The following LPIN2 variants were observed in gnomAD, a reference collection of about 807,000 sequenced individuals.
The protein encoded by LPIN2 is phosphatidate phosphatase LPIN2.
In LPIN2, 55 loss-of-function variants were observed where a neutral mutation model predicts 111.4. The ratio of observed to expected loss-of-function variants is 0.49; its 90% confidence interval spans 0.40 to 0.62. The LOEUF is 0.62. Ranked by LOEUF, LPIN2 falls within the 20% of genes least tolerant of loss-of-function variation. LPIN2 has a pLI of 0.00. For missense variants in LPIN2, 992 were observed against 1,112.1 expected, an observed-to-expected ratio of 0.89 and a Z score of 1.54; for synonymous variants, 425 against 414.0, an observed-to-expected ratio of 1.03 and a Z score of -0.32.
chr18:3,011,911 T>C (rs575203468), intron 1 of LPIN2: 2 of 152,452 alleles, frequency 1.3e-5, no homozygotes, highest in South Asian at 4.1e-4. Context: ...GCTCTGCCGC[T>C]TCTCCCCCGC....
intron 1 of LPIN2, among the ~76,000 whole-genome samples, chr18:2,964,975 G>A (rs116945454): frequency 0.013 from 2,048 of 152,192 alleles, 19 homozygotes; most frequent in Non-Finnish European, 0.022. Flanking sequence ...CTTTAAAAAC[G>A]ATATTTAAAG....
At chr18:2,920,961 G>C in intron 18 of LPIN2, 80 bp from the exon 19 acceptor site, 1 of 934,844 alleles carries the variant, frequency 1.1e-6, no homozygotes, top group Non-Finnish European at 1.8e-6. Context: ...TGAGCCAGAA[G>C]CACTGCACAG....
chr18:2,945,537 ATCTCCCACTCAATCTGCTG>A, intron 4 of LPIN2: 1 of 1,276,152 alleles, frequency 7.8e-7, no homozygotes, highest in Non-Finnish European at 1.1e-6. Context: ...CCTTCCTCCC[ATCTCCCACTCAATCTGCTG>A]TGTCGTCTTT....
chr18:2,974,360 T>C (rs889836088), intron 1 of LPIN2, among the ~76,000 whole-genome samples: 1 of 152,202 alleles, frequency 6.6e-6, no homozygotes, highest in Non-Finnish European at 1.5e-5. Context: ...TTAACAGGCG[T>C]GAGCCACCGC....
chr18:2,921,170 G>C (rs759030474), intron 18 of LPIN2: 1 of 555,736 alleles, frequency 1.8e-6, no homozygotes, highest in Non-Finnish European at 3.2e-6. Context: ...TGGCCCTGCA[G>C]AAGGGAGGCA....
intron 2 of LPIN2, among the ~76,000 whole-genome samples, chr18:2,956,957 T>C (rs2077624425): frequency 2.6e-5 from 4 of 152,240 alleles, no homozygotes. Context: ...TAAAAATATT[T>C]TGAGAGAACA....
chr18:2,917,947 AAC>A lies in LPIN2; in HGVS notation c.*2344_*2345del, dbSNP rs1221149425. 6.6e-6 allele frequency: 1 copy of A among 152,200 alleles called. No homozygotes were observed. The highest frequency in any genetic ancestry group is 2.4e-5 in the African/African-American group (1 of 41,462). 9.4% of individuals were successfully genotyped at this position (152,200 alleles called of 1,614,324 possible). A position where few individuals can be genotyped will look rare whatever the true frequency, so the allele number is the denominator to read the frequency against. On this transcript the variant is annotated 3_prime_UTR_variant, in exon 20 of 20. Coordinates refer to ENST00000677752, the MANE Select transcript of LPIN2 (RefSeq NM_001375808.2). ...TCACCATCCTAAGGGTTTGTGTACA[AAC>A]ACACTCGAGGGCATCTCTTTCACAG...
intron 1 of LPIN2, among the ~76,000 whole-genome samples, chr18:3,008,024 C>T (rs1249571778): frequency 1.3e-5 from 2 of 152,228 alleles, no homozygotes; most frequent in African/African-American, 4.8e-5. Context: ...TACAATTCTA[C>T]TGTTTAGTCA....
intron 1 of LPIN2, chr18:2,985,396 TGAC>T (rs1175307577): frequency 3.3e-5 from 5 of 152,148 alleles, no homozygotes; most frequent in Non-Finnish European, 5.9e-5. Flanking sequence ...TAAAAATAAA[TGAC>T]TACTGAAAAA....
At chr18:2,974,575 T>C (rs1380901540) in intron 1 of LPIN2, among the ~76,000 whole-genome samples, 1 of 152,264 alleles carries the variant, frequency 6.6e-6, no homozygotes, top group Non-Finnish European at 1.5e-5. Flanking sequence ...TTTTTAAACA[T>C]TGTATATCCT....
In LPIN2 at chr18:2,931,295, G is replaced by A; in HGVS notation, c.1417C>T (p.Leu473Phe). 2 of 1,614,206 alleles carry A rather than the reference G, an allele frequency of 1.2e-6. No individual in the cohort carries two copies. The part of the protein sequence containing the change: ...AMDLPDVTLS[L>F]CGGLSENGEI... ...CCATTTTCACTGAGGCCCCCGCAAA[G>A]GGAGAGGGTAACGTCAGGCAAGTCC... is the stretch of plus-strand genomic sequence containing the variant. The change falls in exon 9 of 20, where the codon CTT becomes TTT. Residue 473 changes from leucine to phenylalanine, a missense_variant. Physicochemically the swap from Leu to Phe is conservative, Grantham distance 22. Around this residue, in one of 4 missense-constraint regions of LPIN2, gnomAD observed 709 missense variants for 753.2 expected, o/e 0.94. Coordinates refer to ENST00000677752, the MANE Select transcript of LPIN2 (RefSeq NM_001375808.2).
intron 1 of LPIN2, among the ~76,000 whole-genome samples, chr18:2,962,677 T>C (rs1458894988): frequency 6.6e-6 from 1 of 152,220 alleles, no homozygotes; most frequent in Non-Finnish European, 1.5e-5. Flanking sequence ...TCATGCATCC[T>C]TTTCATATTC....
intron 1 of LPIN2, among the ~76,000 whole-genome samples, chr18:2,968,384 C>G (rs945762212): frequency 6.6e-6 from 1 of 152,170 alleles, no homozygotes; most frequent in East Asian, 1.9e-4. Context: ...AGTTTTCACA[C>G]AGTCAAAATT....
intron 1 of LPIN2, chr18:3,011,784 A>G (rs894288613): frequency 1.3e-5 from 2 of 152,274 alleles, no homozygotes; most frequent in African/African-American, 2.4e-5. Context: ...GTGGCTTCAC[A>G]CTGTTCTTTT....
chr18:2,990,069 A>T (rs2078242499), intron 1 of LPIN2, among the ~76,000 whole-genome samples: 1 of 152,224 alleles, frequency 6.6e-6, no homozygotes, highest in Non-Finnish European at 1.5e-5. Context: ...AATCCACTGC[A>T]TGGCGGAAGG....
chr18:2,954,699 T>C, intron 2 of LPIN2, 100 bp from the exon 3 acceptor site: 1 of 874,906 alleles, frequency 1.1e-6, no homozygotes, highest in Non-Finnish European at 1.9e-6. Context: ...TAGCATAGTT[T>C]TGAGGTTCCT....
At chr18:2,989,384 G>GA (rs923693681) in intron 1 of LPIN2, among the ~76,000 whole-genome samples, 10 of 149,014 alleles carry the variant, frequency 6.7e-5, no homozygotes, top group Non-Finnish European at 1.2e-4. Flanking sequence ...AAAAATCACT[G>GA]AAAAAAAAAA....
At chr18:3,003,063 C>T (rs959139770) in intron 1 of LPIN2, among the ~76,000 whole-genome samples, 2 of 152,204 alleles carry the variant, frequency 1.3e-5, no homozygotes, top group Non-Finnish European at 2.9e-5. Context: ...ATCCTCAGAA[C>T]CAGCCTGTCA....
intron 17 of LPIN2, 54 bp downstream of exon 17, chr18:2,921,993 A>G (rs1472247886): frequency 6.4e-7 from 1 of 1,572,056 alleles, no homozygotes; most frequent in Non-Finnish European, 8.6e-7. Flanking sequence ...CCTTGGGCCC[A>G]GCCCCGCCCA....
Sources: gnomAD v4.1 joint callset for allele counts (sites outside exome capture counted in the v4.1 genomes callset) on GRCh38, gnomAD v4.1.1 for gene constraint, gnomAD v4.1.1 regional missense constraint, MANE v1.5 for transcripts, NCBI Gene and HGNC (gene_info 2026-07-23, HGNC 2026-07-21) for gene names.